Variants in KIF13A observed in about 807,000 individuals in gnomAD.
KIF13A encodes kinesin family member 13A.
In KIF13A, 79 loss-of-function variants were observed where a neutral mutation model predicts 212.2. The ratio of observed to expected loss-of-function variants is 0.37; its 90% confidence interval spans 0.31 to 0.45. The LOEUF (loss-of-function observed/expected upper bound fraction) is 0.45, where lower values mean the gene tolerates loss of function less well. KIF13A is among the 20% of genes least tolerant of loss of function. The probability of loss-of-function intolerance (pLI) is 1.00; values close to 1 mark genes in which losing one functional copy is unlikely to be tolerated. For missense variants in KIF13A, 1,901 were observed against 2,209.0 expected, an observed-to-expected ratio of 0.86 and a Z score of 2.79; for synonymous variants, 789 against 808.6, an observed-to-expected ratio of 0.98 and a Z score of 0.41.
chr6:17,854,381 ACCCAC>A (rs1246674547), intron 6 of KIF13A, among the ~76,000 whole-genome samples: 3 of 151,336 alleles, frequency 2.0e-5, no homozygotes, highest in African/African-American at 7.3e-5. Context: ...CAAGTGATCC[ACCCAC>A]CTTGGCCTCC....
rs1272823807 is a variant in KIF13A at position 17,778,937 on chromosome 6, A to G, written c.4092+10T>C. On this transcript the variant is annotated intron_variant, in intron 33 of 38. Coordinates refer to ENST00000259711, the MANE Select transcript of KIF13A (RefSeq NM_022113.6). ...GCTTTCATCCTCGGTCCAGATATTC[A>G]GTTACTTGCCTGCCGGAGCCGTTCA... 6.4e-7 allele frequency: 1 copy of G among 1,567,896 alleles called. No homozygotes were observed. Among genetic ancestry groups the G allele is most frequent in the African/African-American group, 1.4e-5 (1 of 74,032 alleles).
chr6:17,929,464 G>A (rs1054011051), intron 2 of KIF13A, among the ~76,000 whole-genome samples: 3 of 150,368 alleles, frequency 2.0e-5, no homozygotes, highest in Non-Finnish European at 4.4e-5. Context: ...GCAGTGGCAC[G>A]ATCTTGGCTC....
At chr6:17,796,638 T>C (rs760488818) in intron 23 of KIF13A, 31 bp downstream of exon 23, 9 of 1,425,498 alleles carry the variant, frequency 6.3e-6, no homozygotes, top group Non-Finnish European at 8.4e-6. Context: ...AGTCTTAACC[T>C]TGTACCTAAA....
At chr6:17,970,386 T>C (rs1330360582) in intron 2 of KIF13A, among the ~76,000 whole-genome samples, 1 of 151,824 alleles carries the variant, frequency 6.6e-6, no homozygotes, top group African/African-American at 2.4e-5. Flanking sequence ...GGGGATCACT[T>C]GAGGCCAGGA....
chr6:17,942,245 T>G (rs1777017396), intron 2 of KIF13A, among the ~76,000 whole-genome samples: 1 of 151,836 alleles, frequency 6.6e-6, no homozygotes, highest in Admixed American at 6.6e-5. Flanking sequence ...CAGATTGCAG[T>G]GAACCATGAT....
At chr6:17,781,054 T>C (rs756475738) in intron 30 of KIF13A, 123 bp downstream of exon 30, 15 of 1,392,924 alleles carry the variant, frequency 1.1e-5, no homozygotes, top group African/African-American at 1.4e-5. Flanking sequence ...GCAACACAAA[T>C]GTTCTATTTT....
Position 17,771,471 on chromosome 6 carries a change from A to C in KIF13A, c.4477-253T>G. 2.2e-6 allele frequency: 1 copy of C among 462,592 alleles called. No individual in the cohort carries two copies. Among genetic ancestry groups the C allele is most frequent in the Non-Finnish European group, 3.8e-6 (1 of 260,740 alleles). 28.7% of individuals were successfully genotyped at this position (462,592 alleles called of 1,614,324 possible). A position where few individuals can be genotyped will look rare whatever the true frequency, so the allele number is the denominator to read the frequency against. ...ACCAGGTACAACGGCTCATGCCTGC[A>C]ATCCCAGTGCCTTGGGAGGCTGGGG... is the stretch of plus-strand genomic sequence containing the variant. On this transcript the variant is annotated intron_variant, in intron 37 of 38. Transcript: ENST00000259711. The surrounding 1 kb of genome is among the most constrained non-coding windows in gnomAD (Gnocchi z 5.4).
At position 17,799,242 on chromosome 6, in the gene KIF13A, C is replaced by T. The variant is rs200719507; in HGVS notation, c.2790+24G>A. The T allele has an allele frequency of 2.0e-3, 3,048 of 1,523,156 alleles. 5 individuals are homozygous for T. The highest frequency in any genetic ancestry group is 3.5e-3 in the South Asian group (262 of 74,822). 94.4% of individuals were successfully genotyped at this position (1,523,156 alleles called of 1,614,324 possible). ...CCAATTTCTGCTGCTTCCTACACAG[C>T]TCATTTGGTAATGGCATTTGTACCT... On this transcript the variant is annotated intron_variant, in intron 22 of 38. Transcript: ENST00000259711. This position sits in a 1 kb window ranked among gnomAD's most constrained non-coding sequence, Gnocchi z 4.4.
chr6:17,763,326 C>T (rs964668568), downstream of KIF13A, among the ~76,000 whole-genome samples: 3 of 151,766 alleles, frequency 2.0e-5, no homozygotes, highest in African/African-American at 7.3e-5. Context: ...AAAAATTAGC[C>T]AGATGTGCTG....
At position 17,838,060 on chromosome 6, in the gene KIF13A, T is replaced by C. The variant is rs1436553772; in HGVS notation, c.831-477A>G. Among the ~76,000 whole-genome samples the C allele has an allele frequency of 6.6e-6, 1 of 152,112 alleles. No individual in the cohort carries two copies. Among genetic ancestry groups the C allele is most frequent in the Non-Finnish European group, 1.5e-5 (1 of 68,016 alleles). On this transcript the variant is annotated intron_variant, in intron 9 of 38. Coordinates refer to ENST00000259711, the MANE Select transcript of KIF13A (RefSeq NM_022113.6). The surrounding 1 kb of genome is among the most constrained non-coding windows in gnomAD (Gnocchi z 4.2). The stretch of plus-strand genomic sequence containing the variant: ...AGCTGGGAGTGGTGGCTCACACCTG[T>C]AATCCCAGCACTTTGGGAGGCTGAG...
At chr6:17,861,627 A>T (rs1227669123) in intron 4 of KIF13A, among the ~76,000 whole-genome samples, 1 of 152,196 alleles carries the variant, frequency 6.6e-6, no homozygotes, top group Non-Finnish European at 1.5e-5. Context: ...GTTCTGACTG[A>T]GTCAGTAGGA....
chr6:17,797,017 C>T (rs570595357), intron 22 of KIF13A, among the ~76,000 whole-genome samples, 197 bp from the exon 23 acceptor site: 1 of 152,100 alleles, frequency 6.6e-6, no homozygotes, highest in East Asian at 1.9e-4. Context: ...GGTAATTTAA[C>T]TCAACCCGTT....
At position 17,825,631 on chromosome 6, in the gene KIF13A, G is replaced by A. The variant is rs1764902533; in HGVS notation, c.1786+137C>T. On this transcript the variant is annotated intron_variant, in intron 16 of 38. Transcript: ENST00000259711. The surrounding 1 kb of genome is among the most constrained non-coding windows in gnomAD (Gnocchi z 4.5). ...TCTTGTCATTAGTTATTCACTGATGGCCTTTTAAAGAAATGAGCAGTTTTA... is the reference window on the plus strand; with the variant it reads ...TCTTGTCATTAGTTATTCACTGATGACCTTTTAAAGAAATGAGCAGTTTTA... 5 of 735,832 alleles carry A rather than the reference G, an allele frequency of 6.8e-6. No homozygotes were observed. The highest frequency in any genetic ancestry group is 3.8e-5 in the South Asian group (2 of 52,258). 45.6% of individuals were successfully genotyped at this position (735,832 alleles called of 1,614,324 possible).
intron 4 of KIF13A, among the ~76,000 whole-genome samples, chr6:17,862,158 G>C (rs986998073): frequency 1.3e-4 from 20 of 152,122 alleles, no homozygotes; most frequent in Non-Finnish European, 2.5e-4. Context: ...TGGGATTATA[G>C]ATGTGCACCA....
At position 17,968,180 on chromosome 6, in the gene KIF13A, C is replaced by T. The variant is rs1190376968; in HGVS notation, c.146+18874G>A. 6.6e-6 allele frequency among the ~76,000 whole-genome samples: 1 copy of T among 152,132 alleles called. No individual in the cohort carries two copies. On this transcript the variant is annotated intron_variant, in intron 2 of 38. Transcript: ENST00000259711. The surrounding 1 kb of genome is among the most constrained non-coding windows in gnomAD (Gnocchi z 4.7). ...CATCAACCCAATGGCCAATTAGGAA[C>T]CAGAGAACGAGAAGAACCCAGAGAT...
intron 2 of KIF13A, among the ~76,000 whole-genome samples, chr6:17,985,057 G>A (rs985289193): frequency 1.3e-5 from 2 of 152,360 alleles, no homozygotes; most frequent in South Asian, 4.1e-4. Flanking sequence ...TGCAAAGACA[G>A]TAATCCTAAT....
chr6:17,831,942 T>C (rs1339989584), intron 12 of KIF13A, among the ~76,000 whole-genome samples: 2 of 151,986 alleles, frequency 1.3e-5, no homozygotes, highest in African/African-American at 2.4e-5. Flanking sequence ...AAAAGTTATA[T>C]TCTGGTGGGA....
chr6:17,850,223 C>A lies in KIF13A; in HGVS notation c.717+100G>T, dbSNP rs115464402. The A allele has an allele frequency of 1.4e-4, 159 of 1,166,928 alleles. No individual in the cohort carries two copies. The African/African-American group carries it at 2.2e-3, about 16-fold the overall frequency. 72.3% of individuals were successfully genotyped at this position (1,166,928 alleles called of 1,614,324 possible). ...CCTAGTAAGCAGAAGAGCCAACATA[C>A]AATTCTCAGCCACTGAACCCAACCA... On this transcript the variant is annotated intron_variant, in intron 8 of 38. Coordinates refer to ENST00000259711, the MANE Select transcript of KIF13A (RefSeq NM_022113.6). This position sits in a 1 kb window ranked among gnomAD's most constrained non-coding sequence, Gnocchi z 6.2.
chr6:17,800,331 G>A (rs1243853674), intron 20 of KIF13A, among the ~76,000 whole-genome samples: 10 of 151,774 alleles, frequency 6.6e-5, no homozygotes, highest in Admixed American at 5.9e-4. Flanking sequence ...TTGCCTCCCT[G>A]CAACTTGCCT....
Sources: gnomAD v4.1 joint callset for allele counts (sites outside exome capture counted in the v4.1 genomes callset) on GRCh38, gnomAD v4.1.1 for gene constraint, Gnocchi (gnomAD v3.1) non-coding constraint, MANE v1.5 for transcripts, NCBI Gene and HGNC (gene_info 2026-07-23, HGNC 2026-07-21) for gene names.